The following SHISA9 variants were observed in gnomAD, a reference collection of about 807,000 sequenced individuals.
SHISA9 encodes protein shisa-9.
SHISA9 carries 13 observed loss-of-function variants against 38.0 expected under a neutral mutation model. The ratio of observed to expected loss-of-function variants is 0.34; its 90% CI spans 0.22 to 0.54. The LOEUF (loss-of-function observed/expected upper bound fraction) is 0.54, where lower values mean the gene tolerates loss of function less well. Ranked by LOEUF, SHISA9 falls within the 20% of genes least tolerant of loss-of-function variation. The pLI, the probability that SHISA9 is intolerant of heterozygous loss-of-function variation, is 0.91. For synonymous variants in SHISA9, 275 were observed against 242.0 expected (o/e 1.14, Z -1.27); for missense variants, 538 against 575.8 (o/e 0.93, Z 0.67).
At chr16:13,312,824 A>G in the SHISA9 span, among the ~76,000 whole-genome samples, 6 of 152,196 alleles carry the variant, frequency 3.9e-5, no homozygotes, top group African/African-American at 1.4e-4. Context: ...ACTTCTAGAG[A>G]AAGCACTAAT....
At chr16:13,455,761 C>A in the SHISA9 span, among the ~76,000 whole-genome samples, 3 of 152,118 alleles carry the variant, frequency 2.0e-5, no homozygotes, top group African/African-American at 7.2e-5. Flanking sequence ...TCTAAAAGGG[C>A]AAGTGAACCA....
intron 2 of SHISA9, among the ~76,000 whole-genome samples, chr16:13,100,521 G>T (rs2073867978): frequency 6.6e-6 from 1 of 152,070 alleles, no homozygotes; most frequent in African/African-American, 2.4e-5. Flanking sequence ...TTACCTTGTG[G>T]GTATAGCTTG....
chr16:13,119,491 A>G (rs2074064276), intron 2 of SHISA9, among the ~76,000 whole-genome samples: 1 of 152,222 alleles, frequency 6.6e-6, no homozygotes, highest in African/African-American at 2.4e-5. Context: ...TTAATTAGTA[A>G]TAATAATGAT....
intron 4 of SHISA9, among the ~76,000 whole-genome samples, chr16:13,218,422 C>T (rs773536038): frequency 1.1e-4 from 17 of 152,164 alleles, no homozygotes; most frequent in Admixed American, 2.6e-4. Flanking sequence ...GTTTACATAC[C>T]GGCGTTCTTC....
the SHISA9 span, among the ~76,000 whole-genome samples, chr16:13,388,163 T>A: frequency 1.3e-5 from 2 of 152,122 alleles, no homozygotes; most frequent in South Asian, 4.2e-4. Flanking sequence ...ATCCTGTGGA[T>A]TGAGATGTGG....
chr16:13,268,258 C>G, the SHISA9 span, among the ~76,000 whole-genome samples: 24 of 152,200 alleles, frequency 1.6e-4, 1 homozygote, highest in African/African-American at 5.3e-4. Context: ...GCCTGTAATC[C>G]CAGCACTTCA....
chr16:13,179,114 A>G (rs1045014911), intron 2 of SHISA9, among the ~76,000 whole-genome samples: 1 of 152,100 alleles, frequency 6.6e-6, no homozygotes. Context: ...TGAGGTCAGG[A>G]TTTCTAGACC....
At chr16:13,096,167 G>A (rs577100319) in intron 2 of SHISA9, among the ~76,000 whole-genome samples, 1 of 152,294 alleles carries the variant, frequency 6.6e-6, no homozygotes, top group African/African-American at 2.4e-5. Flanking sequence ...TATGTCATAG[G>A]ATGATTAAGA....
intron 2 of SHISA9, among the ~76,000 whole-genome samples, chr16:12,957,343 G>A (rs549124021): frequency 2.4e-4 from 36 of 152,330 alleles, no homozygotes; most frequent in African/African-American, 8.7e-4. Context: ...ATACCATAGA[G>A]TGGGTGGCTT....
chr16:13,501,639 T>A, the SHISA9 span, among the ~76,000 whole-genome samples: 1 of 152,194 alleles, frequency 6.6e-6, no homozygotes, highest in Non-Finnish European at 1.5e-5. Flanking sequence ...CAGAACCACA[T>A]CTGCTTTATT....
chr16:13,537,410 A>G, the SHISA9 span, among the ~76,000 whole-genome samples: 1 of 152,038 alleles, frequency 6.6e-6, no homozygotes, highest in East Asian at 1.9e-4. Flanking sequence ...CCTAGGTGAC[A>G]AGAATGAAAC....
chr16:13,486,539 T>C, the SHISA9 span, among the ~76,000 whole-genome samples: 1 of 152,228 alleles, frequency 6.6e-6, no homozygotes, highest in South Asian at 2.1e-4. Flanking sequence ...CAACACATTT[T>C]TACTCCATAT....
At chr16:12,987,598 A>G (rs1198973022) in intron 2 of SHISA9, among the ~76,000 whole-genome samples, 1 of 152,102 alleles carries the variant, frequency 6.6e-6, no homozygotes, top group Non-Finnish European at 1.5e-5. Context: ...CTGTCAGGGA[A>G]GCTGGGGGAG....
the SHISA9 span, among the ~76,000 whole-genome samples, chr16:13,406,127 G>T: frequency 6.6e-6 from 1 of 152,198 alleles, no homozygotes; most frequent in Admixed American, 6.5e-5. Context: ...CTGCCCAGAT[G>T]TGCCACTCCT....
rs990047194 is a variant in SHISA9, at chr16:12,916,716, G to A, written c.592G>A (p.Gly198Ser). 15 of 1,551,658 alleles carry A rather than the reference G, an allele frequency of 9.7e-6. No individual in the cohort carries two copies. In the African/African-American group the frequency reaches 1.4e-4, roughly 14 times the overall value. ...CCTTGCGGATGTCATGAGACCACAG[G>A]GCCACTGCAACACTGATCACATGGA... ...RALADVMRPQ[G>S]HCNTDHMERD... The change falls in exon 2 of 5, where the codon GGC (glycine) becomes AGC (serine). Residue 198 changes from glycine to serine, a missense_variant. Around this residue, in one of 4 missense-constraint regions of SHISA9, gnomAD observed 326 missense variants for 305.9 expected, o/e 1.07. Transcript: ENST00000558583.
chr16:13,354,885 G>A, the SHISA9 span, among the ~76,000 whole-genome samples: 2 of 152,080 alleles, frequency 1.3e-5, no homozygotes, highest in African/African-American at 4.8e-5. Context: ...TAACAGTTGA[G>A]GAAAAAATTT....
At chr16:12,947,858 C>T (rs1446863696) in intron 2 of SHISA9, among the ~76,000 whole-genome samples, 1 of 152,122 alleles carries the variant, frequency 6.6e-6, no homozygotes, top group Non-Finnish European at 1.5e-5. Context: ...AGTGATCCCC[C>T]AAGTAGTGAC....
chr16:13,455,332 T>C, the SHISA9 span, among the ~76,000 whole-genome samples: 1 of 152,296 alleles, frequency 6.6e-6, no homozygotes, highest in African/African-American at 2.4e-5. Flanking sequence ...ATGTCTCTTA[T>C]TTCTTCCACA....
the SHISA9 span, chr16:13,246,279 T>G: frequency 6.6e-6 from 1 of 152,320 alleles, no homozygotes; most frequent in South Asian, 2.1e-4. Context: ...CTGATGGTTT[T>G]ATAAGAGGAA....
Sources: gnomAD v4.1 joint callset for allele counts (sites outside exome capture counted in the v4.1 genomes callset) on GRCh38, gnomAD v4.1.1 for gene constraint, gnomAD v4.1.1 regional missense constraint, MANE v1.5 for transcripts, NCBI Gene and HGNC (gene_info 2026-07-23, HGNC 2026-07-21) for gene names.